The following KIAA1217 variants were observed in gnomAD, a reference collection of about 807,000 sequenced individuals.
KIAA1217 encodes KIAA1217.
Under a neutral mutation model 163.9 loss-of-function variants are expected in KIAA1217, and 88 were observed. That is an observed-to-expected ratio of 0.54 (90% CI 0.45 to 0.64). The LOEUF (loss-of-function observed/expected upper bound fraction) is 0.64, where lower values mean the gene tolerates loss of function less well. Among genes scored for constraint, KIAA1217 ranks in the 30% least tolerant of loss-of-function variants. The probability of loss-of-function intolerance (pLI) is 0.00; values close to 1 mark genes in which losing one functional copy is unlikely to be tolerated. For synonymous variants in KIAA1217, 903 were observed against 923.1 expected (o/e 0.98, Z 0.39); for missense variants, 2,372 against 2,475.0 (o/e 0.96, Z 0.88).
chr10:24,126,692 C>T (rs1351528687), intron 2 of KIAA1217, among the ~76,000 whole-genome samples: 1 of 151,948 alleles, frequency 6.6e-6, no homozygotes, highest in Non-Finnish European at 1.5e-5. Flanking sequence ...TCAGTTATTC[C>T]TGAACCACCC....
chr10:24,115,111 G>A (rs2063000654), intron 2 of KIAA1217, among the ~76,000 whole-genome samples: 1 of 152,158 alleles, frequency 6.6e-6, no homozygotes, highest in East Asian at 1.9e-4. Flanking sequence ...ACAATCTGAA[G>A]TTAGCCTGTG....
At chr10:24,268,017 C>T (rs1025500499) in intron 2 of KIAA1217, among the ~76,000 whole-genome samples, 1 of 152,154 alleles carries the variant, frequency 6.6e-6, no homozygotes, top group African/African-American at 2.4e-5. Context: ...CTTTGTTTCC[C>T]TGCGCTGCAG....
intron 1 of KIAA1217, among the ~76,000 whole-genome samples, chr10:23,832,777 G>T (rs1838271627): frequency 6.6e-6 from 1 of 152,148 alleles, no homozygotes; most frequent in South Asian, 2.1e-4. Context: ...TGCTGATAAA[G>T]ACATACCTGA....
intron 1 of KIAA1217, among the ~76,000 whole-genome samples, chr10:23,727,319 G>T (rs758678322): frequency 6.0e-5 from 9 of 150,196 alleles, no homozygotes; most frequent in Non-Finnish European, 1.3e-4. Context: ...CCAGCACTTT[G>T]GGAGGCCAAG....
At chr10:23,988,785 G>A (rs563799257) in intron 1 of KIAA1217, among the ~76,000 whole-genome samples, 1 of 152,088 alleles carries the variant, frequency 6.6e-6, no homozygotes, top group Non-Finnish European at 1.5e-5. Flanking sequence ...CAAGTTTCAA[G>A]GCACCATAAA....
chr10:24,130,872 G>T (rs2063628124), intron 2 of KIAA1217, among the ~76,000 whole-genome samples: 1 of 152,096 alleles, frequency 6.6e-6, no homozygotes, highest in African/African-American at 2.4e-5. Context: ...AAGGCCAATT[G>T]GTAGACATGA....
At chr10:23,798,813 G>A (rs879667951) in intron 1 of KIAA1217, among the ~76,000 whole-genome samples, 18 of 152,314 alleles carry the variant, frequency 1.2e-4, no homozygotes, top group African/African-American at 2.2e-4. Flanking sequence ...TGGCTCAAGC[G>A]TAGAGTCCAT....
chr10:24,545,046 A>C lies in KIAA1217; in HGVS notation c.5277A>C (p.Gly1759=), dbSNP rs1489150413. ...PVPMSAKNRP[G]TLDKPGKQSK... ...CCATGAGTGCCAAGAACAGACCCGG[A>C]ACCCTGGACAAACCCGGCAAGCAGT... The change falls in exon 20 of 21, where the codon GGA becomes GGC. Residue 1759 remains glycine, a synonymous_variant. Coordinates refer to ENST00000376454, the MANE Select transcript of KIAA1217 (RefSeq NM_019590.5). 1.2e-6 allele frequency: 2 copies of C among 1,614,056 alleles called. No individual in the cohort carries two copies. Among genetic ancestry groups the C allele is most frequent in the African/African-American group, 2.7e-5 (2 of 74,922 alleles).
intron 1 of KIAA1217, among the ~76,000 whole-genome samples, chr10:23,908,886 G>T (rs890913365): frequency 6.6e-6 from 1 of 152,052 alleles, no homozygotes. Flanking sequence ...CCCGTTACTG[G>T]GTGTATACCT....
chr10:24,213,121 C>A (rs536517550), intron 1 of KIAA1217, among the ~76,000 whole-genome samples: 5 of 152,306 alleles, frequency 3.3e-5, no homozygotes, highest in Admixed American at 6.5e-5. Flanking sequence ...ATCAATGAAG[C>A]TTCCATGGCT....
At chr10:24,051,392 A>T (rs1849497563) in intron 2 of KIAA1217, among the ~76,000 whole-genome samples, 1 of 152,072 alleles carries the variant, frequency 6.6e-6, no homozygotes, top group Non-Finnish European at 1.5e-5. Flanking sequence ...TTTTTCATAT[A>T]ATTACTTCTT....
chr10:24,017,529 C>T (rs1847539609), intron 2 of KIAA1217, among the ~76,000 whole-genome samples: 1 of 151,972 alleles, frequency 6.6e-6, no homozygotes, highest in Admixed American at 6.6e-5. Flanking sequence ...TGCAAATAAA[C>T]CTGAAAAAGT....
At chr10:24,120,418 T>C (rs2063236936) in intron 2 of KIAA1217, among the ~76,000 whole-genome samples, 2 of 152,104 alleles carry the variant, frequency 1.3e-5, no homozygotes, top group African/African-American at 2.4e-5. Context: ...TACAGAACAG[T>C]GGTTGCTTTC....
intron 2 of KIAA1217, among the ~76,000 whole-genome samples, chr10:24,196,125 C>A (rs1043645318): frequency 1.6e-4 from 20 of 128,032 alleles, no homozygotes; most frequent in Middle Eastern, 7.9e-3. Context: ...CAGAGTGAGA[C>A]CCTGTCTCAA....
intron 2 of KIAA1217, among the ~76,000 whole-genome samples, chr10:24,038,103 A>G (rs1186969380): frequency 1.3e-5 from 2 of 152,216 alleles, no homozygotes; most frequent in Non-Finnish European, 2.9e-5. Context: ...TGCATGACCA[A>G]GCAAATGTTT....
intron 2 of KIAA1217, among the ~76,000 whole-genome samples, chr10:24,132,389 C>T (rs544054108): frequency 3.9e-5 from 6 of 152,264 alleles, no homozygotes; most frequent in South Asian, 2.1e-4. Context: ...GAATGCCAGT[C>T]GCTGTAAGAA....
chr10:23,812,343 G>A (rs72771454), intron 1 of KIAA1217, among the ~76,000 whole-genome samples: 1 of 152,164 alleles, frequency 6.6e-6, no homozygotes, highest in South Asian at 2.1e-4. Context: ...ATTACTTCTA[G>A]CATGAGTTAG....
chr10:24,104,388 T>C (rs1298790233), intron 2 of KIAA1217, among the ~76,000 whole-genome samples: 2 of 152,088 alleles, frequency 1.3e-5, no homozygotes, highest in Non-Finnish European at 2.9e-5. Flanking sequence ...CTTAAATGCA[T>C]ACTACTAAGA....
intron 1 of KIAA1217, among the ~76,000 whole-genome samples, chr10:23,762,967 C>A (rs1016496511): frequency 6.6e-6 from 1 of 152,032 alleles, no homozygotes; most frequent in Non-Finnish European, 1.5e-5. Flanking sequence ...TTCCTATACA[C>A]CAATAGAGAA....
Sources: allele counts gnomAD v4.1 joint callset (sites outside exome capture counted in the v4.1 genomes callset), GRCh38; gene constraint gnomAD v4.1.1; transcripts MANE v1.5; gene names NCBI Gene and HGNC (gene_info 2026-07-23, HGNC 2026-07-21).